The following ULK4 variants were observed in gnomAD, a reference collection of about 807,000 sequenced individuals.
ULK4 encodes unc-51 like kinase 4.
A neutral mutation model predicts 160.6 loss-of-function variants in ULK4; 133 were observed. That is an observed-to-expected ratio of 0.83 (90% confidence interval 0.72 to 0.96). The LOEUF is 0.96. Ranked by LOEUF, ULK4 falls within the 40% of genes least tolerant of loss-of-function variation. The pLI is 0.00. For missense variants in ULK4, 1,580 were observed against 1,499.5 expected (o/e 1.05, Z -0.89); for synonymous variants, 534 against 539.8 (o/e 0.99, Z 0.15).
intron 17 of ULK4, among the ~76,000 whole-genome samples, chr3:41,847,317 T>G (rs542826397): frequency 6.6e-6 from 1 of 152,244 alleles, no homozygotes; most frequent in Non-Finnish European, 1.5e-5. Flanking sequence ...TGCAAAGACA[T>G]AATTTGCTTG....
intron 32 of ULK4, among the ~76,000 whole-genome samples, chr3:41,538,290 T>C (rs535565798): frequency 1.3e-5 from 2 of 152,156 alleles, no homozygotes; most frequent in African/African-American, 4.8e-5. Flanking sequence ...TTAAGGACTA[T>C]ATCACAAAAA....
intron 31 of ULK4, among the ~76,000 whole-genome samples, chr3:41,578,085 T>C (rs185933856): frequency 6.6e-6 from 1 of 152,318 alleles, no homozygotes; most frequent in African/African-American, 2.4e-5. Flanking sequence ...CCAGAAATAC[T>C]TTTTGGATCT....
At position 41,398,327 on chromosome 3, in the gene ULK4, A is replaced by G. The variant is rs61627655; in HGVS notation, c.3493-63T>C. 8.4e-5 allele frequency: 131 copies of G among 1,559,576 alleles called. 1 individual carries two copies. The African/African-American group carries it at 1.6e-3, about 19-fold the overall frequency. On this transcript the variant is annotated intron_variant, in intron 34 of 36. Coordinates refer to ENST00000301831, the MANE Select transcript of ULK4 (RefSeq NM_017886.4). Reference sequence around the variant, plus strand: ...AAGACGGTATTAGTACTCAAAAAAAACACAGTAAAATTTGGCTTGATGGGG... The same window carrying G: ...AAGACGGTATTAGTACTCAAAAAAAGCACAGTAAAATTTGGCTTGATGGGG...
At chr3:41,387,896 G>C (rs1003191686) in intron 35 of ULK4, among the ~76,000 whole-genome samples, 3 of 152,138 alleles carry the variant, frequency 2.0e-5, no homozygotes, top group Non-Finnish European at 2.9e-5. Context: ...CCCAGTAATG[G>C]GATGGCTGGG....
chr3:41,293,293 A>C lies in ULK4; in HGVS notation c.3679-43719T>G, dbSNP rs143587623. ...GTACACAAACATACATACAAAAAAA[A>C]CATGAAAAACAAAGCTGGCAGGATT... On this transcript the variant is annotated intron_variant, in intron 35 of 36. Transcript: ENST00000301831. Among the ~76,000 whole-genome samples, 953 of 152,308 alleles carry C rather than the reference A, an allele frequency of 6.3e-3. 7 individuals carry two copies. The highest frequency in any genetic ancestry group is 0.022 in the African/African-American group (898 of 41,570).
chr3:41,409,665 A>G (rs2082371125), intron 34 of ULK4, among the ~76,000 whole-genome samples: 1 of 152,122 alleles, frequency 6.6e-6, no homozygotes, highest in African/African-American at 2.4e-5. Flanking sequence ...ATGCAAATTA[A>G]CAGCTGGGCA....
chr3:41,369,905 GAAAA>G (rs368423960), intron 35 of ULK4, among the ~76,000 whole-genome samples: 1 of 144,566 alleles, frequency 6.9e-6, no homozygotes, highest in Non-Finnish European at 1.6e-5. Flanking sequence ...CAGGAAAAAA[GAAAA>G]AAAAAATCTA....
intron 32 of ULK4, among the ~76,000 whole-genome samples, chr3:41,489,931 T>C (rs904744057): frequency 1.3e-5 from 2 of 152,190 alleles, no homozygotes; most frequent in African/African-American, 2.4e-5. Context: ...ATTTACCTGA[T>C]TCAGAGGACA....
intron 35 of ULK4, among the ~76,000 whole-genome samples, chr3:41,389,239 T>A (rs1225527122): frequency 6.6e-6 from 1 of 152,200 alleles, no homozygotes; most frequent in Admixed American, 6.5e-5. Flanking sequence ...GACACTTTGC[T>A]GAAGTTGCCT....
chr3:41,769,162 A>G (rs759239043), intron 21 of ULK4, among the ~76,000 whole-genome samples: 6 of 152,250 alleles, frequency 3.9e-5, no homozygotes, highest in Non-Finnish European at 7.3e-5. Context: ...AAGCTGCAGC[A>G]CAATTTTAGA....
At chr3:41,786,391 AG>A (rs1476866024) in intron 21 of ULK4, among the ~76,000 whole-genome samples, 1 of 152,230 alleles carries the variant, frequency 6.6e-6, no homozygotes, top group East Asian at 1.9e-4. Context: ...ACCTGAATCC[AG>A]GAGTTCAAGA....
In ULK4 at chr3:41,777,792, T is replaced by A. The variant is rs550542918; in HGVS notation, c.2193+11869A>T. ...ATTGCACTGTGGTCTGAGAGATAGT[T>A]TGTTATAATTTCTGTTCTTTTACAT... On this transcript the variant is annotated intron_variant, in intron 21 of 36. Transcript: ENST00000301831. 6.5e-3 allele frequency among the ~76,000 whole-genome samples: 905 copies of A among 140,014 alleles called. 44 individuals are homozygous for A. Among genetic ancestry groups the A allele is most frequent in the African/African-American group, 0.024 (876 of 36,516 alleles). 91.9% of individuals were successfully genotyped at this position (140,014 alleles called of 152,430 possible). A position where few individuals can be genotyped will look rare whatever the true frequency, so the allele number is the denominator to read the frequency against.
intron 34 of ULK4, among the ~76,000 whole-genome samples, chr3:41,440,973 T>TAAA (rs2083153135): frequency 6.6e-6 from 1 of 152,058 alleles, no homozygotes; most frequent in African/African-American, 2.4e-5. Context: ...TCTGTAGAAT[T>TAAA]TGTAGAGATG....
chr3:41,786,424 G>A (rs2125588635), intron 21 of ULK4, among the ~76,000 whole-genome samples: 1 of 151,850 alleles, frequency 6.6e-6, no homozygotes, highest in South Asian at 2.1e-4. Flanking sequence ...AACATAGCAA[G>A]ACCCCATCTC....
chr3:41,666,178 A>T (rs992241145), intron 29 of ULK4, among the ~76,000 whole-genome samples: 3 of 152,178 alleles, frequency 2.0e-5, no homozygotes, highest in Non-Finnish European at 2.9e-5. Flanking sequence ...GTAGGCATGG[A>T]CCACTTGTGG....
At chr3:41,838,723 A>G (rs2041829067) in intron 17 of ULK4, among the ~76,000 whole-genome samples, 1 of 152,238 alleles carries the variant, frequency 6.6e-6, no homozygotes, top group Non-Finnish European at 1.5e-5. Flanking sequence ...CACTCAACAA[A>G]AGAGCTGCCA....
rs373311565 is a variant in ULK4 at position 41,949,784 on chromosome 3, G to A, written c.138+4838C>T. On this transcript the variant is annotated intron_variant, in intron 2 of 36. Transcript: ENST00000301831. The stretch of plus-strand genomic sequence containing the variant: ...GAGACAGTGTCTCTGTCGCCCAGGC[G>A]GGAGTGCAGTGGCATGATCGCGGCT... 7.2e-4 allele frequency among the ~76,000 whole-genome samples: 107 copies of A among 149,302 alleles called. 1 individual carries two copies. In the South Asian group the frequency reaches 0.02, roughly 28 times the overall value.
At chr3:41,685,392 T>C (rs1486483003) in intron 27 of ULK4, among the ~76,000 whole-genome samples, 1 of 152,168 alleles carries the variant, frequency 6.6e-6, no homozygotes, top group Non-Finnish European at 1.5e-5. Flanking sequence ...ACATTCCCAC[T>C]GATCACAAAA....
At chr3:41,875,313 G>C (rs1697259637) in intron 17 of ULK4, among the ~76,000 whole-genome samples, 1 of 152,188 alleles carries the variant, frequency 6.6e-6, no homozygotes, top group Non-Finnish European at 1.5e-5. Flanking sequence ...AACACTTTGG[G>C]AGGCTGAGGT....
Sources: allele counts gnomAD v4.1 joint callset (sites outside exome capture counted in the v4.1 genomes callset), GRCh38; gene constraint gnomAD v4.1.1; transcripts MANE v1.5; gene names NCBI Gene and HGNC (gene_info 2026-07-23, HGNC 2026-07-21).